Variants in NDRG4 observed in about 807,000 individuals in gnomAD.
The protein encoded by NDRG4 is protein NDRG4.
NDRG4 carries 38 observed loss-of-function variants against 55.8 expected under a neutral mutation model. That is an observed-to-expected ratio of 0.68 (90% CI 0.53 to 0.89). The LOEUF (loss-of-function observed/expected upper bound fraction) is 0.89. NDRG4 is among the 40% of genes least tolerant of loss of function. The probability of loss-of-function intolerance (pLI) is 0.00; values close to 1 mark genes in which losing one functional copy is unlikely to be tolerated. For missense variants in NDRG4, 455 were observed against 468.6 expected, an observed-to-expected ratio of 0.97 and a Z score of 0.27; for synonymous variants, 190 against 182.7, an observed-to-expected ratio of 1.04 and a Z score of -0.32.
At chr16:58,466,447 G>T (rs751299478) in intron 1 of NDRG4, among the ~76,000 whole-genome samples, 2 of 152,194 alleles carry the variant, frequency 1.3e-5, no homozygotes, top group African/African-American at 2.4e-5. Context: ...CTCAAGCAGG[G>T]GTCTAGGCTT....
At chr16:58,463,780 C>T (rs1270842527) in exon 1 of NDRG4, 2 of 151,378 alleles carry the variant, frequency 1.3e-5, no homozygotes, top group Non-Finnish European at 3.0e-5. Context: ...GCGCGTCTGT[C>T]TCGTCCGCAT....
In NDRG4 at chr16:58,511,441, C is replaced by G. The variant is rs1401148222; in HGVS notation, c.924C>G (p.Thr308=). Residue 308 remains threonine, a synonymous_variant, in exon 15 of 15, where the codon ACC becomes ACG. Coordinates refer to ENST00000570248, the MANE Select transcript of NDRG4 (RefSeq NM_001242835.2). ...SGGAVPSASM[T]RLARSRTASL... ...CCACAGTGCCCTCAGCCAGCATGAC[C>G]CGCCTGGCACGCTCCCGCACTGCAT... 2 of 1,607,974 alleles carry G rather than the reference C, an allele frequency of 1.2e-6. No homozygotes were observed. The highest frequency in any genetic ancestry group is 1.7e-6 in the Non-Finnish European group (2 of 1,176,514).
At chr16:58,478,105 G>A (rs768707731) in intron 1 of NDRG4, among the ~76,000 whole-genome samples, 6 of 152,184 alleles carry the variant, frequency 3.9e-5, no homozygotes, top group Non-Finnish European at 8.8e-5. Flanking sequence ...AAAGTGTCAA[G>A]GTTGGCCGGG....
intron 1 of NDRG4, chr16:58,501,198 GTGACGACGTCAGCACC>G: frequency 1.7e-6 from 1 of 571,476 alleles, no homozygotes; most frequent in East Asian, 3.5e-5. Flanking sequence ...ACGCACGGAG[GTGACGACGTCAGCACC>G]TGCCCGCCCA....
At chr16:58,473,421 C>G (rs926553283) in intron 1 of NDRG4, among the ~76,000 whole-genome samples, 7 of 152,176 alleles carry the variant, frequency 4.6e-5, no homozygotes, top group African/African-American at 1.7e-4. Context: ...ACCTTGGCCT[C>G]CCAAAGTGCT....
chr16:58,481,250 C>T (rs1484350274), intron 1 of NDRG4, among the ~76,000 whole-genome samples: 1 of 152,152 alleles, frequency 6.6e-6, no homozygotes, highest in Non-Finnish European at 1.5e-5. Context: ...ACATAGCATT[C>T]ATTAATATTA....
intron 1 of NDRG4, chr16:58,500,497 C>T: frequency 2.2e-6 from 1 of 452,528 alleles, no homozygotes; most frequent in Non-Finnish European, 3.8e-6. Context: ...ATAGCAGGGG[C>T]TGGGGGGAGC....
intron 1 of NDRG4, among the ~76,000 whole-genome samples, chr16:58,474,756 C>T (rs1032242613): frequency 6.6e-5 from 10 of 152,204 alleles, no homozygotes; most frequent in African/African-American, 2.4e-4. Context: ...TGACTTAGGC[C>T]TGGGCCACTC....
upstream of NDRG4, among the ~76,000 whole-genome samples, chr16:58,496,203 G>A (rs1434241447): frequency 6.6e-6 from 1 of 152,060 alleles, no homozygotes; most frequent in Admixed American, 6.5e-5. Context: ...GGGAATCCTG[G>A]AGTCGTGGAG....
At chr16:58,480,708 TTGGA>T in intron 1 of NDRG4, among the ~76,000 whole-genome samples, 1 of 152,296 alleles carries the variant, frequency 6.6e-6, no homozygotes, top group Non-Finnish European at 1.5e-5. Flanking sequence ...TCTGATAGGG[TTGGA>T]CAAATGAACA....
At chr16:58,477,161 G>GATATATATATATATATATATGTGATAT (rs370447012) in intron 1 of NDRG4, among the ~76,000 whole-genome samples, 1 of 147,934 alleles carries the variant, frequency 6.8e-6, no homozygotes, top group Non-Finnish European at 1.5e-5. Context: ...ATATATATGT[G>GATATATATATATATATATATGTGATAT]ATATATATAT....
exon 3 of NDRG4, chr16:58,494,976 G>A: frequency 2.5e-6 from 4 of 1,613,726 alleles, no homozygotes; most frequent in Non-Finnish European, 3.4e-6. Flanking sequence ...GAGCTCCGAT[G>A]CCTTCCTCTT....
intron 1 of NDRG4, among the ~76,000 whole-genome samples, chr16:58,467,106 T>A (rs1257334103): frequency 1.3e-5 from 2 of 152,216 alleles, no homozygotes; most frequent in Non-Finnish European, 2.9e-5. Context: ...TGACTGAGGC[T>A]AGGCTCACAC....
At chr16:58,469,711 T>G (rs771757216) in intron 1 of NDRG4, among the ~76,000 whole-genome samples, 7 of 152,246 alleles carry the variant, frequency 4.6e-5, no homozygotes, top group Non-Finnish European at 1.5e-5. Context: ...GATATCCCCT[T>G]AAATAGTGTA....
In NDRG4 at chr16:58,507,435, G is replaced by A. The variant is rs527540966; in HGVS notation, c.621-373G>A. The A allele has an allele frequency of 1.4e-3, 498 of 355,048 alleles. 2 individuals are homozygous for A. Among genetic ancestry groups the A allele is most frequent in the African/African-American group, 9.2e-3 (453 of 49,034 alleles). The allele number at this position is 355,048 out of a possible 1,614,324, so 22.0% of individuals were successfully genotyped here. On this transcript the variant is annotated intron_variant, in intron 8 of 14. Transcript: ENST00000570248. ...AAGGTGGCCAGGCCCCCTCACTCAC[G>A]TGCCCTCCTTCTCATTCTTCTACAA...
At chr16:58,509,994 TTCCC>T (rs1318580913) in intron 13 of NDRG4, among the ~76,000 whole-genome samples, 3 of 152,112 alleles carry the variant, frequency 2.0e-5, no homozygotes, top group Admixed American at 6.5e-5. Context: ...GACTTCCCCC[TTCCC>T]TCCAAGACAT....
intron 5 of NDRG4, 51 bp from the exon 6 acceptor site, chr16:58,506,336 C>T (rs1191901492): frequency 1.9e-6 from 3 of 1,547,470 alleles, no homozygotes; most frequent in South Asian, 2.2e-5. Context: ...GTGTTTCTGC[C>T]ATCTGCACCC....
At chr16:58,475,563 A>G (rs760984025) in intron 1 of NDRG4, 6 of 454,252 alleles carry the variant, frequency 1.3e-5, no homozygotes, top group South Asian at 9.3e-5. Context: ...CAGAAAACCC[A>G]TGGTAATAAT....
chr16:58,470,536 T>C (rs567867558), intron 1 of NDRG4, among the ~76,000 whole-genome samples: 1 of 152,346 alleles, frequency 6.6e-6, no homozygotes, highest in African/African-American at 2.4e-5. Context: ...TTTGTAGTCA[T>C]GATTGGGGAT....
Sources: gnomAD v4.1 joint callset for allele counts (sites outside exome capture counted in the v4.1 genomes callset) on GRCh38, gnomAD v4.1.1 for gene constraint, MANE v1.5 for transcripts, NCBI Gene and HGNC (gene_info 2026-07-23, HGNC 2026-07-21) for gene names.